The following PTPRD variants were observed in gnomAD, a reference collection of about 807,000 sequenced individuals.
PTPRD encodes the protein protein tyrosine phosphatase receptor type D.
In PTPRD, 34 loss-of-function variants were observed where a neutral mutation model predicts 214.5. That is an observed-to-expected ratio of 0.16 (90% confidence interval 0.12 to 0.21). PTPRD has a LOEUF of 0.21. Among genes scored for constraint, PTPRD ranks in the 10% least tolerant of loss-of-function variants. The probability of loss-of-function intolerance (pLI) is 1.00; values close to 1 mark genes in which losing one functional copy is unlikely to be tolerated. For synonymous variants in PTPRD, 1,128 were observed against 845.7 expected, an observed-to-expected ratio of 1.33 and a Z score of -5.79; for missense variants, 2,545 against 2,398.7, an observed-to-expected ratio of 1.06 and a Z score of -1.27.
At chr9:10,157,478 T>G (rs1014323019) in intron 3 of PTPRD, among the ~76,000 whole-genome samples, 3 of 152,204 alleles carry the variant, frequency 2.0e-5, no homozygotes, top group Non-Finnish European at 2.9e-5. Context: ...TTCTGGATAG[T>G]AGTGTCTCTG....
chr9:10,301,584 T>C (rs868179419), intron 3 of PTPRD, among the ~76,000 whole-genome samples: 2 of 151,954 alleles, frequency 1.3e-5, no homozygotes, highest in South Asian at 2.1e-4. Flanking sequence ...AATAAACTGA[T>C]AGAGCTGAAA....
At chr9:9,880,626 ACT>A (rs1278711593) in intron 5 of PTPRD, among the ~76,000 whole-genome samples, 1 of 151,612 alleles carries the variant, frequency 6.6e-6, no homozygotes, top group Admixed American at 6.6e-5. Context: ...TTTCTTTGGG[ACT>A]CTGTGTGTGT....
intron 14 of PTPRD, among the ~76,000 whole-genome samples, chr9:8,609,949 G>C (rs1434647039): frequency 6.6e-6 from 1 of 152,082 alleles, no homozygotes; most frequent in Non-Finnish European, 1.5e-5. Context: ...TTCATATTAA[G>C]TTCTGATTAC....
intron 3 of PTPRD, among the ~76,000 whole-genome samples, chr9:10,199,514 G>T (rs1304651554): frequency 6.6e-6 from 1 of 152,016 alleles, no homozygotes; most frequent in African/African-American, 2.4e-5. Flanking sequence ...CAGAGACCAG[G>T]AATTAGAAAC....
intron 2 of PTPRD, among the ~76,000 whole-genome samples, chr9:10,601,888 T>C (rs114142783): frequency 6.6e-6 from 1 of 151,732 alleles, no homozygotes; most frequent in African/African-American, 2.4e-5. Flanking sequence ...TGAAAATTCA[T>C]TGAATTTTCT....
At chr9:8,424,823 G>A (rs1419454828) in intron 35 of PTPRD, among the ~76,000 whole-genome samples, 3 of 152,080 alleles carry the variant, frequency 2.0e-5, no homozygotes, top group Admixed American at 2.0e-4. Flanking sequence ...ATGAGTGCCT[G>A]CTGTTAAGGA....
intron 5 of PTPRD, among the ~76,000 whole-genome samples, chr9:9,790,830 G>A (rs1175875383): frequency 6.6e-6 from 1 of 151,674 alleles, no homozygotes; most frequent in Non-Finnish European, 1.5e-5. Flanking sequence ...TATGACAATA[G>A]GCAATAAATA....
chr9:9,071,076 G>C (rs2099743012), intron 10 of PTPRD, among the ~76,000 whole-genome samples: 1 of 152,108 alleles, frequency 6.6e-6, no homozygotes, highest in African/African-American at 2.4e-5. Context: ...ACCATACCCA[G>C]CTAATCTTTT....
At chr9:9,651,568 T>G (rs146084578) in intron 7 of PTPRD, among the ~76,000 whole-genome samples, 1 of 152,124 alleles carries the variant, frequency 6.6e-6, no homozygotes, top group East Asian at 1.9e-4. Context: ...GCAAAGGACA[T>G]GATTGTGTTC....
chr9:10,031,625 C>CATATATAGATATATATATATATAT (rs2097071021), intron 4 of PTPRD, among the ~76,000 whole-genome samples: 5 of 87,402 alleles, frequency 5.7e-5, no homozygotes, highest in South Asian at 3.5e-4. Flanking sequence ...TAAAAAACTC[C>CATATATAGATATATATATATATAT]ATATATATAT....
rs547289852 is a variant in PTPRD, at chr9:9,014,179, T to C, written c.-104+4518A>G. Among the ~76,000 whole-genome samples the C allele has an allele frequency of 1.0e-4, 12 of 115,016 alleles. No homozygotes were observed. In the South Asian group the frequency reaches 2.7e-3, roughly 26 times the overall value. The allele number at this position is 115,016 out of a possible 152,430, so 75.5% of individuals were successfully genotyped here. ...TGTTTGGTCCATGCTATTACCTCGT[T>C]TTTTTTTGTTTGTTTGTTTGTTTTT... On this transcript the variant is annotated intron_variant, in intron 11 of 45. Transcript: ENST00000381196.
chr9:8,667,138 A>G (rs1419480599), intron 12 of PTPRD, among the ~76,000 whole-genome samples: 1 of 152,184 alleles, frequency 6.6e-6, no homozygotes. Flanking sequence ...CAGGAGTTCA[A>G]GACCAGCCTG....
At chr9:9,501,520 C>A (rs536820267) in intron 8 of PTPRD, among the ~76,000 whole-genome samples, 76 of 151,898 alleles carry the variant, frequency 5.0e-4, no homozygotes, top group African/African-American at 1.7e-3. Flanking sequence ...CTCAAAAAAT[C>A]AGTAAATATA....
At chr9:8,906,603 T>C (rs765181536) in intron 11 of PTPRD, among the ~76,000 whole-genome samples, 2 of 152,232 alleles carry the variant, frequency 1.3e-5, no homozygotes, top group African/African-American at 2.4e-5. Context: ...GCAAAGGATT[T>C]ACTTGTAAAA....
chr9:10,065,733 G>A (rs941867258), intron 3 of PTPRD, among the ~76,000 whole-genome samples: 3 of 151,864 alleles, frequency 2.0e-5, no homozygotes, highest in Admixed American at 1.3e-4. Context: ...ACAAAGCAAG[G>A]TAGTAGCCCT....
chr9:9,977,812 G>T (rs904831159), intron 4 of PTPRD, among the ~76,000 whole-genome samples: 1 of 151,890 alleles, frequency 6.6e-6, no homozygotes, highest in Admixed American at 6.6e-5. Flanking sequence ...AACCAAAGCC[G>T]GTTTGAAGAG....
chr9:10,277,762 C>G (rs2094800975), intron 3 of PTPRD, among the ~76,000 whole-genome samples: 1 of 151,946 alleles, frequency 6.6e-6, no homozygotes, highest in Non-Finnish European at 1.5e-5. Context: ...CAAAGAATCA[C>G]CTACATAGTG....
intron 4 of PTPRD, among the ~76,000 whole-genome samples, chr9:9,953,441 C>T (rs976699797): frequency 1.3e-5 from 2 of 151,844 alleles, no homozygotes; most frequent in African/African-American, 4.8e-5. Context: ...ACTACTTATG[C>T]CCCAAAAGCT....
chr9:9,960,715 TAAGGA>T, intron 4 of PTPRD, among the ~76,000 whole-genome samples: 1 of 152,116 alleles, frequency 6.6e-6, no homozygotes, highest in South Asian at 2.1e-4. Context: ...TCATCAACAA[TAAGGA>T]AAGTCAGAAA....
Sources: gnomAD v4.1 joint callset for allele counts (sites outside exome capture counted in the v4.1 genomes callset) on GRCh38, gnomAD v4.1.1 for gene constraint, MANE v1.5 for transcripts, NCBI Gene and HGNC (gene_info 2026-07-23, HGNC 2026-07-21) for gene names.